Variants in NUB1 observed in about 807,000 individuals in gnomAD.
NUB1 encodes negative regulator of ubiquitin like proteins 1.
NUB1 carries 41 observed loss-of-function variants against 77.1 expected under a neutral mutation model. The observed-to-expected ratio is 0.53, with a 90% CI of 0.41 to 0.69. The LOEUF (loss-of-function observed/expected upper bound fraction) is 0.69, where lower values mean the gene tolerates loss of function less well. Among genes scored for constraint, NUB1 ranks in the 30% least tolerant of loss-of-function variants. NUB1 has a pLI of 0.00. For synonymous variants in NUB1, 257 were observed against 281.0 expected (o/e 0.91, Z 0.85); for missense variants, 643 against 743.8 (o/e 0.86, Z 1.58).
intron 11 of NUB1, among the ~76,000 whole-genome samples, chr7:151,370,297 C>T (rs1584968374): frequency 6.6e-6 from 1 of 152,050 alleles, no homozygotes; most frequent in East Asian, 1.9e-4. Context: ...CCAATTTGGC[C>T]AGGCTGGTCT....
intron 11 of NUB1, 83 bp from the exon 12 acceptor site, chr7:151,374,014 C>T (rs753512364): frequency 1.1e-5 from 16 of 1,423,594 alleles, no homozygotes; most frequent in East Asian, 7.5e-5. Flanking sequence ...CCTGGAAATG[C>T]GGAGAATCCT....
rs369541322 is a variant in NUB1, at chr7:151,376,840, T to C, written c.1669+29T>C. On this transcript the variant is annotated intron_variant, in intron 14 of 14. Coordinates refer to ENST00000568733, the MANE Select transcript of NUB1 (RefSeq NM_001243351.2). Reference sequence around the variant, plus strand: ...GGTCTGAGGTCTTTGAGGGCCGCATTGAGAGCAAAGTGTCTTCAGAAGCCA... The same window carrying C: ...GGTCTGAGGTCTTTGAGGGCCGCATCGAGAGCAAAGTGTCTTCAGAAGCCA... 9.1e-5 allele frequency: 141 copies of C among 1,551,442 alleles called. 1 individual carries two copies. The African/African-American group carries it at 1.8e-3, about 20-fold the overall frequency.
At chr7:151,354,483 A>G (rs1215717111) in intron 5 of NUB1, among the ~76,000 whole-genome samples, 2 of 152,112 alleles carry the variant, frequency 1.3e-5, no homozygotes, top group Non-Finnish European at 2.9e-5. Flanking sequence ...ATTATTTGTT[A>G]TTTTAAAATC....
Position 151,352,569 on chromosome 7 carries a change from A to T in NUB1, c.345-243A>T, listed in dbSNP as rs536470763. ...GCAATCCTCCTACCCAAACCTCCCAAGCAGCTAGGGCCACAGGCATGGGCT... is the reference window on the plus strand; with the variant it reads ...GCAATCCTCCTACCCAAACCTCCCATGCAGCTAGGGCCACAGGCATGGGCT... On this transcript the variant is annotated intron_variant, in intron 4 of 14. Transcript: ENST00000568733. Among the ~76,000 whole-genome samples the T allele has an allele frequency of 3.9e-5, 6 of 152,250 alleles. No individual in the cohort carries two copies. The East Asian group carries it at 1.2e-3, about 29-fold the overall frequency.
In NUB1 at chr7:151,375,944, G is replaced by A. The variant is rs996900438; in HGVS notation, c.1491+1G>A. 1.9e-6 allele frequency: 3 copies of A among 1,599,956 alleles called. No homozygotes were observed. Among genetic ancestry groups the A allele is most frequent in the Middle Eastern group, 3.3e-4 (2 of 6,028 alleles). On this transcript the variant is annotated splice_donor_variant, in intron 13 of 14. Coordinates refer to ENST00000568733, the MANE Select transcript of NUB1 (RefSeq NM_001243351.2). LOFTEE classifies it high-confidence loss of function. ...TCCTTCCCAGGAAAACATTGACCGA[G>A]TGAGTGACAGGCCTTTGTGCCCTCA...
chr7:151,368,370 G>T (rs1196812000), intron 10 of NUB1, among the ~76,000 whole-genome samples: 1 of 152,226 alleles, frequency 6.6e-6, no homozygotes, highest in Non-Finnish European at 1.5e-5. Context: ...CAGCGCTGTG[G>T]CTGCATGCCA....
rs1391174601 is a variant in NUB1, at chr7:151,363,663, C to T, written c.801-3276C>T. ...TAATGACCCCAAGTACAAGAAATAT[C>T]AGAAAAAAACTACACTACAGCACAC... On this transcript the variant is annotated intron_variant, in intron 8 of 14. Transcript: ENST00000568733. Among the ~76,000 whole-genome samples the T allele has an allele frequency of 2.0e-5, 3 of 152,212 alleles. No homozygotes were observed. In the East Asian group the frequency reaches 5.8e-4, roughly 29 times the overall value.
chr7:151,375,911 C>A lies in NUB1; in HGVS notation c.1459C>A (p.Gln487Lys), dbSNP rs1332313888. 6.2e-7 allele frequency: 1 copy of A among 1,613,024 alleles called. No individual in the cohort carries two copies. The highest frequency in any genetic ancestry group is 1.7e-5 in the Admixed American group (1 of 60,026). The change falls in exon 13 of 15, where the codon CAA (glutamine) becomes AAA (lysine). Residue 487 changes from glutamine to lysine, a missense_variant. Coordinates refer to ENST00000568733, the MANE Select transcript of NUB1 (RefSeq NM_001243351.2). The part of the protein sequence containing the change: ...NDSNPETDNR[Q>K]ESPSQENIDR... ...TTCCAATCCTGAAACCGACAACCGT[C>A]AAGAAAGTCCTTCCCAGGAAAACAT...
At position 151,365,318 on chromosome 7, in the gene NUB1, C is replaced by CT. The variant is rs11354135; in HGVS notation, c.801-1607dup. On this transcript the variant is annotated intron_variant, in intron 8 of 14. Transcript: ENST00000568733. ...TCATTTTGTTGGTTTTCTTCTCTCT[C>CT]TTTTTTTTTTTTTTGGCTGCACAAA... Among the ~76,000 whole-genome samples, 665 of 141,718 alleles carry CT rather than the reference C, an allele frequency of 4.7e-3. 5 individuals are homozygous for CT. Among genetic ancestry groups the CT allele is most frequent in the South Asian group, 9.4e-3 (42 of 4,484 alleles). The allele number at this position is 141,718 out of a possible 152,430, so 93.0% of individuals were successfully genotyped here. A position where few individuals can be genotyped will look rare whatever the true frequency, so the allele number is the denominator to read the frequency against.
chr7:151,374,652 C>T (rs79418595), intron 12 of NUB1: 2 of 224,784 alleles, frequency 8.9e-6, no homozygotes, highest in Non-Finnish European at 1.8e-5. Flanking sequence ...TTTAGTCCAT[C>T]GTACATGTTG....
chr7:151,342,265 T>C (rs1239828576), intron 1 of NUB1, among the ~76,000 whole-genome samples: 1 of 152,212 alleles, frequency 6.6e-6, no homozygotes, highest in East Asian at 1.9e-4. Context: ...CACTTGATTT[T>C]CTCGAACCTT....
chr7:151,355,027 A>T (rs919418406), intron 5 of NUB1, among the ~76,000 whole-genome samples: 2 of 152,004 alleles, frequency 1.3e-5, no homozygotes, highest in Admixed American at 1.3e-4. Context: ...TACAGGTGTG[A>T]ACCACCACGC....
intron 1 of NUB1, among the ~76,000 whole-genome samples, chr7:151,343,833 T>A (rs1796326245): frequency 6.6e-6 from 1 of 152,092 alleles, no homozygotes; most frequent in South Asian, 2.1e-4. Context: ...TGAGTCATGG[T>A]ACAAACTCAG....
In NUB1 at chr7:151,349,194, C is replaced by A. The variant is rs375249180; in HGVS notation, c.239C>A (p.Thr80Lys). The change falls in exon 3 of 15, where the codon ACG becomes AAG. Residue 80 changes from threonine to lysine, a missense_variant. By Grantham distance (78) the Thr-to-Lys change is moderately conservative (BLOSUM62 -1). Coordinates refer to ENST00000568733, the MANE Select transcript of NUB1 (RefSeq NM_001243351.2). ...ACAGGAAATGACAATTATAGAACAACGGGAATTGCTACAATCGAGGTGTTT... is the reference window on the plus strand; with the variant it reads ...ACAGGAAATGACAATTATAGAACAAAGGGAATTGCTACAATCGAGGTGTTT... ...RGTGNDNYRT[T>K]GIATIEVFLP... 6.2e-7 allele frequency: 1 copy of A among 1,612,076 alleles called. No homozygotes were observed. The highest frequency in any genetic ancestry group is 1.3e-5 in the African/African-American group (1 of 74,820).
intron 5 of NUB1, among the ~76,000 whole-genome samples, chr7:151,355,355 T>C (rs1797016466): frequency 6.6e-6 from 1 of 152,238 alleles, no homozygotes. Flanking sequence ...TTACCAATTA[T>C]GTGGCGTGAT....
chr7:151,363,273 A>G (rs959505967), intron 8 of NUB1, among the ~76,000 whole-genome samples: 1 of 152,248 alleles, frequency 6.6e-6, no homozygotes, highest in South Asian at 2.1e-4. Context: ...TGAACATGTC[A>G]GATAAAGACA....
At chr7:151,361,471 C>T (rs1797377861) in intron 8 of NUB1, among the ~76,000 whole-genome samples, 1 of 152,186 alleles carries the variant, frequency 6.6e-6, no homozygotes, top group African/African-American at 2.4e-5. Context: ...ATGCCCAGAC[C>T]AGGAATCAGC....
At chr7:151,363,416 A>G (rs1344115474) in intron 8 of NUB1, among the ~76,000 whole-genome samples, 1 of 151,616 alleles carries the variant, frequency 6.6e-6, no homozygotes, top group African/African-American at 2.4e-5. Flanking sequence ...ATGTTACATA[A>G]GGCAATAGAA....
At chr7:151,347,017 A>T (rs1020108430) in intron 2 of NUB1, among the ~76,000 whole-genome samples, 7 of 152,160 alleles carry the variant, frequency 4.6e-5, no homozygotes, top group Non-Finnish European at 5.9e-5. Context: ...GAATCGTAGG[A>T]CTTCCAGTTG....
Sources: allele counts gnomAD v4.1 joint callset (sites outside exome capture counted in the v4.1 genomes callset), GRCh38; gene constraint gnomAD v4.1.1; transcripts MANE v1.5; gene names NCBI Gene and HGNC (gene_info 2026-07-23, HGNC 2026-07-21).